PHACTR1: variants seen among roughly 807,000 people sequenced by gnomAD.
PHACTR1 encodes the protein phosphatase and actin regulator 1, also known as RPEL repeat containing 1.
PHACTR1 carries 16 observed loss-of-function variants against 69.2 expected under a neutral mutation model. That is an observed-to-expected ratio of 0.23 (90% CI 0.16 to 0.35). The LOEUF (loss-of-function observed/expected upper bound fraction) is 0.35. PHACTR1 is among the 10% of genes least tolerant of loss of function. The pLI, the probability that PHACTR1 is intolerant of heterozygous loss-of-function variation, is 1.00. For missense variants in PHACTR1, 510 were observed against 734.7 expected (o/e 0.69, Z 3.54); for synonymous variants, 312 against 284.5 (o/e 1.10, Z -0.97).
At chr6:13,278,199 G>T in intron 11 of PHACTR1, 69 bp from the exon 12 acceptor site, 1 of 1,469,524 alleles carries the variant, frequency 6.8e-7, no homozygotes, top group Non-Finnish European at 9.3e-7. Context: ...GCCTGCCAAG[G>T]TCCAAAGGAT....
intron 7 of PHACTR1, among the ~76,000 whole-genome samples, chr6:13,192,638 G>A (rs1197136556): frequency 2.0e-5 from 3 of 152,302 alleles, no homozygotes; most frequent in South Asian, 2.1e-4. Flanking sequence ...AATGCTGTTC[G>A]ATGGATTTAT....
At chr6:13,010,583 G>A (rs2127643828) in intron 4 of PHACTR1, among the ~76,000 whole-genome samples, 1 of 152,324 alleles carries the variant, frequency 6.6e-6, no homozygotes, top group South Asian at 2.1e-4. Context: ...TTAAAATGCA[G>A]ATTCCGGGCT....
intron 4 of PHACTR1, among the ~76,000 whole-genome samples, chr6:12,991,379 A>G (rs1381607924): frequency 6.6e-6 from 1 of 152,180 alleles, no homozygotes; most frequent in Non-Finnish European, 1.5e-5. Flanking sequence ...ACTGCCCCAT[A>G]CTGGAAAATT....
intron 4 of PHACTR1, among the ~76,000 whole-genome samples, chr6:13,032,631 T>C (rs1242726963): frequency 1.3e-5 from 2 of 152,296 alleles, no homozygotes; most frequent in East Asian, 1.9e-4. Flanking sequence ...GATTTTTTTT[T>C]TTTTGACATG....
At chr6:12,829,683 G>A (rs766151438) in intron 4 of PHACTR1, among the ~76,000 whole-genome samples, 11 of 151,800 alleles carry the variant, frequency 7.2e-5, no homozygotes, top group African/African-American at 1.2e-4. Flanking sequence ...GGCCAGGCGC[G>A]GTGGCTCATG....
intron 4 of PHACTR1, among the ~76,000 whole-genome samples, chr6:12,807,121 T>G (rs1774435870): frequency 6.6e-6 from 1 of 152,214 alleles, no homozygotes; most frequent in African/African-American, 2.4e-5. Flanking sequence ...AAGATGATGT[T>G]GTAACACATG....
chr6:12,961,545 A>G (rs1249298154), intron 4 of PHACTR1, among the ~76,000 whole-genome samples: 2 of 152,352 alleles, frequency 1.3e-5, no homozygotes, highest in Non-Finnish European at 2.9e-5. Flanking sequence ...TGAAAGGAAG[A>G]CAAGAACCTA....
intron 4 of PHACTR1, among the ~76,000 whole-genome samples, chr6:12,904,807 C>A (rs1184369139): frequency 6.6e-6 from 1 of 152,148 alleles, no homozygotes; most frequent in Non-Finnish European, 1.5e-5. Context: ...AGAGGTGGAT[C>A]TCAATCTCAT....
Position 12,962,988 on chromosome 6 carries a change from GCA to G in PHACTR1, c.251-90364_251-90363del, listed in dbSNP as rs145415055. On this transcript the variant is annotated intron_variant, in intron 4 of 14. Transcript: ENST00000332995. ...AATACACACACCTCAGCACATGCAT[GCA>G]CACACACACACATACACATTGATTT... Among the ~76,000 whole-genome samples, 114 of 151,636 alleles carry G rather than the reference GCA, an allele frequency of 7.5e-4. 1 individual carries two copies. The highest frequency in any genetic ancestry group is 1.5e-3 in the Non-Finnish European group (103 of 67,826).
intron 5 of PHACTR1, among the ~76,000 whole-genome samples, chr6:13,115,286 C>T (rs1230911758): frequency 6.6e-6 from 1 of 152,144 alleles, no homozygotes. Context: ...TTACTGCAAT[C>T]CAACTCAACA....
At chr6:12,903,615 C>G (rs535765146) in intron 4 of PHACTR1, among the ~76,000 whole-genome samples, 3 of 152,348 alleles carry the variant, frequency 2.0e-5, no homozygotes, top group African/African-American at 7.2e-5. Context: ...GGTTTATAGC[C>G]TTCTCCCTAA....
At chr6:12,953,814 G>A (rs1032325092) in intron 4 of PHACTR1, among the ~76,000 whole-genome samples, 1 of 152,186 alleles carries the variant, frequency 6.6e-6, no homozygotes, top group Non-Finnish European at 1.5e-5. Flanking sequence ...GTCAGAAGGA[G>A]GAGTAGAAAG....
Position 13,125,121 on chromosome 6 carries a change from C to T in PHACTR1, c.416-35083C>T, listed in dbSNP as rs547676801. ...AAAGAGAAAAGTCCTCAAACTTTCACGGCTGGGAAGCAGGTGAATTGACTA... is the reference window on the plus strand; with the variant it reads ...AAAGAGAAAAGTCCTCAAACTTTCATGGCTGGGAAGCAGGTGAATTGACTA... On this transcript the variant is annotated intron_variant, in intron 5 of 14. Coordinates refer to ENST00000332995, the MANE Select transcript of PHACTR1 (RefSeq NM_030948.6). Among the ~76,000 whole-genome samples the T allele has an allele frequency of 1.1e-4, 17 of 152,262 alleles. No homozygotes were observed. The South Asian group carries it at 1.7e-3, about 15-fold the overall frequency.
At chr6:12,730,988 T>TTATTTATA (rs1763441554) in intron 3 of PHACTR1, among the ~76,000 whole-genome samples, 1 of 113,450 alleles carries the variant, frequency 8.8e-6, no homozygotes, top group African/African-American at 3.5e-5. Context: ...ATTACCTTTT[T>TTATTTATA]TATTTATTTA....
At chr6:13,186,085 T>G (rs554809673) in intron 7 of PHACTR1, among the ~76,000 whole-genome samples, 146 of 152,338 alleles carry the variant, frequency 9.6e-4, no homozygotes, top group African/African-American at 3.3e-3. Context: ...AATGTGTATG[T>G]CCATCCAAGT....
chr6:13,073,109 G>A (rs140352062), intron 5 of PHACTR1, among the ~76,000 whole-genome samples: 1 of 151,840 alleles, frequency 6.6e-6, no homozygotes, highest in African/African-American at 2.4e-5. Flanking sequence ...AATAACTGAA[G>A]TTTAGTATGT....
intron 5 of PHACTR1, among the ~76,000 whole-genome samples, chr6:13,085,921 C>T (rs1812196682): frequency 1.3e-5 from 2 of 150,786 alleles, no homozygotes; most frequent in South Asian, 4.2e-4. Context: ...AAATGTATAC[C>T]TTAGAAAAGA....
chr6:12,869,110 G>A (rs1255418962), intron 4 of PHACTR1, among the ~76,000 whole-genome samples: 1 of 152,054 alleles, frequency 6.6e-6, no homozygotes, highest in Non-Finnish European at 1.5e-5. Context: ...ATGTCCCTCA[G>A]AGCTGACTGT....
intron 4 of PHACTR1, among the ~76,000 whole-genome samples, chr6:12,812,623 A>G (rs1463364947): frequency 1.3e-5 from 2 of 152,194 alleles, no homozygotes; most frequent in African/African-American, 4.8e-5. Flanking sequence ...GAACGCCCCT[A>G]GCTTATTCAG....
Sources: gnomAD v4.1 joint callset for allele counts (sites outside exome capture counted in the v4.1 genomes callset) on GRCh38, gnomAD v4.1.1 for gene constraint, MANE v1.5 for transcripts, NCBI Gene and HGNC (gene_info 2026-07-23, HGNC 2026-07-21) for gene names.